Variants in LMOD3 observed in about 807,000 individuals in gnomAD.
The protein encoded by LMOD3 is leiomodin-3.
LMOD3 carries 31 observed loss-of-function variants against 41.8 expected under a neutral mutation model. The ratio of observed to expected loss-of-function variants is 0.74; its 90% CI spans 0.56 to 1.00. The LOEUF is 1.00. Ranked by LOEUF, LMOD3 falls within the 50% of genes least tolerant of loss-of-function variation. The pLI is 0.00. For missense variants in LMOD3, 755 were observed against 679.5 expected (o/e 1.11, Z -1.23); for synonymous variants, 292 against 241.9 (o/e 1.21, Z -1.92).
intron 1 of LMOD3, among the ~76,000 whole-genome samples, chr3:69,120,994 A>G (rs535075438): frequency 6.6e-6 from 1 of 152,168 alleles, no homozygotes; most frequent in Non-Finnish European, 1.5e-5. Flanking sequence ...TGCTCATAAC[A>G]TAGGTCAGAA....
chr3:69,119,543 A>AAC lies in LMOD3; in HGVS notation c.810_811dup (p.Leu271CysfsTer9), dbSNP rs748425330. 1.9e-6 allele frequency: 3 copies of AAC among 1,613,940 alleles called. No individual in the cohort carries two copies. The highest frequency in any genetic ancestry group is 1.7e-5 in the Admixed American group (1 of 60,022). ...CTTCATTGCATTGACAAAGTCCAGT[A>AAC]ACATTTCTTTGGGGATGTTTTCAAT... On this transcript the variant is annotated frameshift_variant, in exon 2 of 3. Transcript: ENST00000420581. LOFTEE classifies it high-confidence loss of function.
chr3:69,118,600 T>C, intron 2 of LMOD3, 99 bp downstream of exon 2: 1 of 1,369,204 alleles, frequency 7.3e-7, no homozygotes, highest in Non-Finnish European at 9.8e-7. Context: ...TGGTCTCAAT[T>C]AGTGAGTATC....
intron 2 of LMOD3, among the ~76,000 whole-genome samples, chr3:69,112,703 G>A (rs954037125): frequency 1.3e-5 from 2 of 152,170 alleles, no homozygotes; most frequent in African/African-American, 4.8e-5. Flanking sequence ...TCACCGAGTC[G>A]TGATTGTCAA....
chr3:69,119,470 A>G lies in LMOD3; in HGVS notation c.885T>C (p.Asp295=). ...TAGCCAAGGCAAATGCTACATTCTC[A>G]TCTGCACCCACATTGGCTAAACTGA... ...KTFSLANVGA[D]ENVAFALANM... Residue 295 remains aspartate, a synonymous_variant, in exon 2 of 3, where the codon GAT becomes GAC. Transcript: ENST00000420581. The G allele has an allele frequency of 6.2e-7, 1 of 1,613,118 alleles. No homozygotes were observed. Among genetic ancestry groups the G allele is most frequent in the Non-Finnish European group, 8.5e-7 (1 of 1,179,078 alleles).
rs2092391052 is a variant in LMOD3, at chr3:69,118,959, T to C, written c.1396A>G (p.Ser466Gly). 2.5e-6 allele frequency: 4 copies of C among 1,613,118 alleles called. No individual in the cohort carries two copies. The highest frequency in any genetic ancestry group is 2.5e-6 in the Non-Finnish European group (3 of 1,179,736). ...NPQNVPFSQRSEMMKKPSQAP... is the reference protein window; with the variant it reads ...NPQNVPFSQRGEMMKKPSQAP... ...TGCGATGGCTTTTTCATCATTTCAC[T>C]GCGTTGACTAAAGGGGACATTTTGG... The change falls in exon 2 of 3, where the codon AGT becomes GGT. Residue 466 changes from serine (S) to glycine (G), a missense_variant. Ser to Gly is a moderately conservative substitution (Grantham distance 56). Coordinates refer to ENST00000420581, the MANE Select transcript of LMOD3 (RefSeq NM_198271.5).
intron 1 of LMOD3, 36 bp from the exon 2 acceptor site, chr3:69,120,096 C>CAG (rs1374942150): frequency 6.5e-7 from 1 of 1,535,134 alleles, no homozygotes; most frequent in Non-Finnish European, 8.7e-7. Flanking sequence ...GAATACATAG[C>CAG]AGAGAAGAAA....
Position 69,122,326 on chromosome 3 carries a change from C to T in LMOD3, c.61G>A (p.Asp21Asn). The part of the protein sequence containing the change: ...EELLDEEINE[D>N]EILANLSAEE... ...GCAGACAAGTTGGCCAAGATTTCAT[C>T]TTCATTAATCTCCTCATCGAGAAGT... Residue 21 changes from aspartate to asparagine, a missense_variant, in exon 1 of 3, where the codon GAT becomes AAT. Coordinates refer to ENST00000420581, the MANE Select transcript of LMOD3 (RefSeq NM_198271.5). 6.2e-7 allele frequency: 1 copy of T among 1,612,980 alleles called. No individual in the cohort carries two copies. The highest frequency in any genetic ancestry group is 1.1e-5 in the South Asian group (1 of 90,988).
In LMOD3 at chr3:69,122,167, A is replaced by T. The variant is rs1246930119; in HGVS notation, c.220T>A (p.Tyr74Asn). 1 of 1,613,140 alleles carries T rather than the reference A, an allele frequency of 6.2e-7. No individual in the cohort carries two copies. The highest frequency in any genetic ancestry group is 2.2e-5 in the East Asian group (1 of 44,810). ...GNFNHKSLVD[Y>N]MYWEKASRRM... ...CTGGATGCCTTTTCCCAATACATAT[A>T]ATCAACAAGAGATTTATGATTGAAG... The change falls in exon 1 of 3, where the codon TAT (tyrosine) becomes AAT (asparagine). Residue 74 changes from tyrosine to asparagine, a missense_variant. Transcript: ENST00000420581.
In LMOD3 at chr3:69,117,743, GA is replaced by G. The variant is rs1481483885; in HGVS notation, c.1656+955del. On this transcript the variant is annotated intron_variant, in intron 2 of 2. Coordinates refer to ENST00000420581, the MANE Select transcript of LMOD3 (RefSeq NM_198271.5). Reference sequence around the variant, plus strand: ...AAGTGAGCAATACAAATGCAATTTCGAACAGTCTCTCTTCATCTACTAAAAA... The same window carrying G: ...AAGTGAGCAATACAAATGCAATTTCGACAGTCTCTCTTCATCTACTAAAAA... 5.3e-5 allele frequency among the ~76,000 whole-genome samples: 8 copies of G among 151,806 alleles called. No individual in the cohort carries two copies. The East Asian group carries it at 1.5e-3, about 29-fold the overall frequency.
chr3:69,109,931 TG>T (rs1367051151), intron 2 of LMOD3, among the ~76,000 whole-genome samples: 2 of 152,160 alleles, frequency 1.3e-5, no homozygotes, highest in African/African-American at 4.8e-5. Context: ...AGCTAGGAAG[TG>T]GCAGAGCAGG....
chr3:69,109,716 A>T (rs2107520175), intron 2 of LMOD3, among the ~76,000 whole-genome samples: 1 of 151,954 alleles, frequency 6.6e-6, no homozygotes, highest in South Asian at 2.1e-4. Context: ...TTTAGTAGAG[A>T]CAGGGTTTCA....
At position 69,107,455 on chromosome 3, in the gene LMOD3, T is replaced by G. The variant is rs983800253; in HGVS notation, c.*1640A>C. ...AGAAGAGAGAAAAGGCACCAAAGGT[T>G]TTTTTTTTTTTTTTTTTTTTTTTTT... On this transcript the variant is annotated 3_prime_UTR_variant, in exon 3 of 3. Coordinates refer to ENST00000420581, the MANE Select transcript of LMOD3 (RefSeq NM_198271.5). 7.0e-5 allele frequency: 4 copies of G among 57,178 alleles called. No individual in the cohort carries two copies. Among genetic ancestry groups the G allele is most frequent in the Non-Finnish European group, 1.2e-4 (4 of 34,168 alleles). The allele number at this position is 57,178 out of a possible 1,614,324, so 3.5% of individuals were successfully genotyped here.
At position 69,118,895 on chromosome 3, in the gene LMOD3, A is replaced by C; in HGVS notation, c.1460T>G (p.Val487Gly). 2 of 1,608,908 alleles carry C rather than the reference A, an allele frequency of 1.2e-6. No individual in the cohort carries two copies. ...GCGCTGGATTCTCTTCAGCTTCACC[A>C]CCCGGAAGGAGTCAGGGTCTGTCCT... ...KYRTDPDSFRVVKLKRIQRKS... is the reference protein window; with the variant it reads ...KYRTDPDSFRGVKLKRIQRKS... The change falls in exon 2 of 3, where the codon GTG becomes GGG. Residue 487 changes from valine (V) to glycine (G), a missense_variant. Coordinates refer to ENST00000420581, the MANE Select transcript of LMOD3 (RefSeq NM_198271.5).
chr3:69,116,032 A>G (rs2092370929), intron 2 of LMOD3, among the ~76,000 whole-genome samples: 1 of 152,232 alleles, frequency 6.6e-6, no homozygotes, highest in South Asian at 2.1e-4. Flanking sequence ...TGAGACGGGT[A>G]TGCAAGAATT....
Position 69,107,464 on chromosome 3 carries a change from T to TTTTTTTTTTTTTG in LMOD3, c.*1630_*1631insCAAAAAAAAAAAA, listed in dbSNP as rs2092328071. The TTTTTTTTTTTTTG allele has an allele frequency of 1.1e-5, 1 of 90,956 alleles. No homozygotes were observed. Among genetic ancestry groups the TTTTTTTTTTTTTG allele is most frequent in the Non-Finnish European group, 2.1e-5 (1 of 47,216 alleles). 5.6% of individuals were successfully genotyped at this position (90,956 alleles called of 1,614,324 possible). ...AAAAGGCACCAAAGGTTTTTTTTTT[T>TTTTTTTTTTTTTG]TTTTTTTTTTTTTTTTTTTTTTTTT... On this transcript the variant is annotated 3_prime_UTR_variant, in exon 3 of 3. Transcript: ENST00000420581.
rs1559661127 is a variant in LMOD3 at position 69,118,701 on chromosome 3, GTTTAAGATAGGCGACACTGC to G, written c.1634_1653del (p.Ser545ThrfsTer17). 6.2e-7 allele frequency: 1 copy of G among 1,611,352 alleles called. No homozygotes were observed. The stretch of plus-strand genomic sequence containing the variant: ...CATTTCTCCCTCCTTCTACTTACAG[GTTTAAGATAGGCGACACTGC>G]TGTGACGAATGTCGTTTAGCAGCTG... On this transcript the variant is annotated frameshift_variant, in exon 2 of 3. Coordinates refer to ENST00000420581, the MANE Select transcript of LMOD3 (RefSeq NM_198271.5). LOFTEE classifies it high-confidence loss of function.
rs964488965 is a variant in LMOD3, at chr3:69,120,072, G to A, written c.295-12C>T. 2 of 1,581,528 alleles carry A rather than the reference G, an allele frequency of 1.3e-6. No individual in the cohort carries two copies. Among genetic ancestry groups the A allele is most frequent in the African/African-American group, 2.7e-5 (2 of 73,018 alleles). ...TCTTGAGTCTTTTCCTACAAGAGAG[G>A]TTTATGAGGGTTAGAATACATAGCA... is the stretch of plus-strand genomic sequence containing the variant. On this transcript the variant is annotated splice_polypyrimidine_tract_variant and intron_variant, in intron 1 of 2. Coordinates refer to ENST00000420581, the MANE Select transcript of LMOD3 (RefSeq NM_198271.5).
Position 69,122,510 on chromosome 3 carries a change from GAT to G in LMOD3, c.-126_-125del. ...GTGTCCCAAGTTAACACACCCTTGA[GAT>G]ATTTTTTTTTTTTTCCCAGGAACCT... On this transcript the variant is annotated 5_prime_UTR_variant, in exon 1 of 3. Transcript: ENST00000420581. 1 of 737,790 alleles carries G rather than the reference GAT, an allele frequency of 1.4e-6. No homozygotes were observed. Among genetic ancestry groups the G allele is most frequent in the African/African-American group, 1.8e-5 (1 of 55,826 alleles). 45.7% of individuals were successfully genotyped at this position (737,790 alleles called of 1,614,324 possible). A position where few individuals can be genotyped will look rare whatever the true frequency, so the allele number is the denominator to read the frequency against.
In LMOD3 at chr3:69,119,983, A is replaced by G; in HGVS notation, c.372T>C (p.Asn124=). 6.2e-7 allele frequency: 1 copy of G among 1,601,970 alleles called. No individual in the cohort carries two copies. The change falls in exon 2 of 3, where the codon AAT becomes AAC. Residue 124 remains asparagine, a synonymous_variant. Transcript: ENST00000420581. The part of the protein sequence containing the change: ...NMAQYLKEKL[N]NEIVANKRES... ...CTCTTTTATTTGCAACTATTTCATT[A>G]TTGAGCTTTTCTTTTAAATACTGGG...
Sources: gnomAD v4.1 joint callset for allele counts (sites outside exome capture counted in the v4.1 genomes callset) on GRCh38, gnomAD v4.1.1 for gene constraint, MANE v1.5 for transcripts, NCBI Gene and HGNC (gene_info 2026-07-23, HGNC 2026-07-21) for gene names.